WAPL: variants seen among roughly 807,000 people sequenced by gnomAD.
WAPL encodes the protein wings apart-like protein homolog.
A neutral mutation model predicts 121.0 loss-of-function variants in WAPL; 5 were observed. The ratio of observed to expected loss-of-function variants is 0.04; its 90% CI spans 0.02 to 0.09. WAPL has a LOEUF of 0.09. WAPL is among the 10% of genes least tolerant of loss of function. The pLI, the probability that WAPL is intolerant of heterozygous loss-of-function variation, is 1.00. For synonymous variants in WAPL, 480 were observed against 481.5 expected (o/e 1.00, Z 0.04); for missense variants, 999 against 1,410.8 (o/e 0.71, Z 4.68).
chr10:86,500,884 T>G (rs553954989), intron 2 of WAPL, 141 bp from the exon 3 acceptor site: 36 of 763,328 alleles, frequency 4.7e-5, no homozygotes, highest in Non-Finnish European at 6.8e-5. Context: ...AAATTAACAT[T>G]TACATATCAG....
rs755581568 is a variant in WAPL, at chr10:86,467,351, G to A, written c.2298C>T (p.Asn766=). ...SAKLLNEKDM[N]KIKEKIRRLC... ...GCCTTCGGATTTTTTCTTTAATTTT[G>A]TTCATGTCTTTTTCATTCAGTAGCT... is the stretch of plus-strand genomic sequence containing the variant. The change falls in exon 9 of 19, where the codon AAC becomes AAT. Residue 766 remains asparagine, a synonymous_variant. Coordinates refer to ENST00000298767, the MANE Select transcript of WAPL (RefSeq NM_015045.5). 3 of 1,613,946 alleles carry A rather than the reference G, an allele frequency of 1.9e-6. No individual in the cohort carries two copies. In the East Asian group the frequency reaches 6.7e-5, roughly 36 times the overall value.
chr10:86,472,875 A>AAGCAGGG lies in WAPL; in HGVS notation c.1741-118_1741-112dup, dbSNP rs1437159419. 1 of 1,197,764 alleles carries AAGCAGGG rather than the reference A, an allele frequency of 8.3e-7. No individual in the cohort carries two copies. The highest frequency in any genetic ancestry group is 1.1e-6 in the Non-Finnish European group (1 of 889,942). The allele number at this position is 1,197,764 out of a possible 1,614,324, so 74.2% of individuals were successfully genotyped here. A position where few individuals can be genotyped will look rare whatever the true frequency, so the allele number is the denominator to read the frequency against. On this transcript the variant is annotated intron_variant, in intron 5 of 18. Transcript: ENST00000298767. This position sits in a 1 kb window ranked among gnomAD's most constrained non-coding sequence, Gnocchi z 4.2. ...AAAAAAGTAAATAAAGCTTTTTAAA[A>AAGCAGGG]AGCAGGGAGCAGGGAGGCCTCTCAA...
chr10:86,515,252 G>A (rs973289602), intron 2 of WAPL, among the ~76,000 whole-genome samples: 7 of 148,682 alleles, frequency 4.7e-5, no homozygotes, highest in Non-Finnish European at 1.0e-4. Flanking sequence ...ACAAGAGCGA[G>A]ACTTCATCTC....
intron 2 of WAPL, among the ~76,000 whole-genome samples, chr10:86,511,702 G>A (rs987722333): frequency 6.6e-6 from 1 of 152,314 alleles, no homozygotes; most frequent in Non-Finnish European, 1.5e-5. Flanking sequence ...GGGAGGTGGA[G>A]GCAGGAGGAC....
intron 12 of WAPL, among the ~76,000 whole-genome samples, chr10:86,456,790 G>A (rs562679914): frequency 6.6e-6 from 1 of 152,280 alleles, no homozygotes; most frequent in South Asian, 2.1e-4. Context: ...TTCAGGCTGG[G>A]CTAAACTGGG....
At chr10:86,497,120 G>T in intron 4 of WAPL, 81 bp downstream of exon 4, 2 of 1,147,226 alleles carry the variant, frequency 1.7e-6, no homozygotes, top group Admixed American at 4.4e-5. Context: ...ATGTTTATTA[G>T]TAACTTTCAA....
In WAPL at chr10:86,508,754, A is replaced by G. The variant is rs553783200; in HGVS notation, c.500-8011T>C. Reference sequence around the variant, plus strand: ...CTTCTCCCCCTCCATTAGTATTGAAAGTTCTTTTTTTTTTTTTTTTTTGAG... The same window carrying G: ...CTTCTCCCCCTCCATTAGTATTGAAGGTTCTTTTTTTTTTTTTTTTTTGAG... On this transcript the variant is annotated intron_variant, in intron 2 of 18. Coordinates refer to ENST00000298767, the MANE Select transcript of WAPL (RefSeq NM_015045.5). Among the ~76,000 whole-genome samples the G allele has an allele frequency of 3.4e-4, 39 of 114,704 alleles. 1 individual carries two copies. The East Asian group carries it at 0.011, about 31-fold the overall frequency. The allele number at this position is 114,704 out of a possible 152,430, so 75.3% of individuals were successfully genotyped here.
rs140913764 is a variant in WAPL at position 86,488,442 on chromosome 10, TAAGGTGCTCGCTTCGGCAGC to T, written c.1644+8739_1644+8758del. 2.1e-4 allele frequency: 32 copies of T among 152,356 alleles called. No individual in the cohort carries two copies. The East Asian group carries it at 6.2e-3, about 29-fold the overall frequency. The allele number at this position is 152,356 out of a possible 1,614,324, so 9.4% of individuals were successfully genotyped here. A position where few individuals can be genotyped will look rare whatever the true frequency, so the allele number is the denominator to read the frequency against. On this transcript the variant is annotated intron_variant, in intron 4 of 18. Transcript: ENST00000298767. ...AGCCTGGAACATCTTAGAATGTCAG[TAAGGTGCTCGCTTCGGCAGC>T]ACATATACAAAAACTGGAACGATAC...
At chr10:86,454,911 G>A (rs960759301) in intron 12 of WAPL, among the ~76,000 whole-genome samples, 5 of 142,794 alleles carry the variant, frequency 3.5e-5, no homozygotes, top group South Asian at 4.6e-4. Flanking sequence ...GGTGAGGAGC[G>A]TCTCTGCCCG....
intron 2 of WAPL, among the ~76,000 whole-genome samples, chr10:86,504,155 C>A (rs1291622957): frequency 1.3e-5 from 2 of 152,118 alleles, no homozygotes; most frequent in African/African-American, 4.8e-5. Context: ...GCCTGGGCAA[C>A]AGAGCAAGAC....
intron 2 of WAPL, among the ~76,000 whole-genome samples, chr10:86,509,772 T>G (rs12241645): frequency 9.4e-5 from 14 of 148,872 alleles, no homozygotes; most frequent in Admixed American, 2.0e-4. Flanking sequence ...TTGGTTTTTT[T>G]TTTTTTTTTT....
In WAPL at chr10:86,497,346, C is replaced by T. The variant is rs559142751; in HGVS notation, c.1526-27G>A. Reference sequence around the variant, plus strand: ...TGAAATGGTAATCAAAACTATCTAGCTTACTAATATTTCAAATTACCTACC... The same window carrying T: ...TGAAATGGTAATCAAAACTATCTAGTTTACTAATATTTCAAATTACCTACC... On this transcript the variant is annotated intron_variant, in intron 3 of 18. Coordinates refer to ENST00000298767, the MANE Select transcript of WAPL (RefSeq NM_015045.5). 6.6e-6 allele frequency: 10 copies of T among 1,518,728 alleles called. No individual in the cohort carries two copies. The South Asian group carries it at 1.2e-4, about 18-fold the overall frequency. 94.1% of individuals were successfully genotyped at this position (1,518,728 alleles called of 1,614,324 possible).
At chr10:86,496,133 A>C (rs1360076017) in intron 4 of WAPL, among the ~76,000 whole-genome samples, 1 of 152,218 alleles carries the variant, frequency 6.6e-6, no homozygotes, top group South Asian at 2.1e-4. Context: ...AAACAAAAAA[A>C]CTGGGCAAAG....
intron 2 of WAPL, among the ~76,000 whole-genome samples, chr10:86,514,557 T>A (rs991586144): frequency 1.3e-5 from 2 of 152,158 alleles, no homozygotes; most frequent in African/African-American, 4.8e-5. Flanking sequence ...GTATGTATTT[T>A]CCCCTCACAG....
chr10:86,463,101 GAATT>G (rs1183200013), intron 9 of WAPL, among the ~76,000 whole-genome samples: 15 of 152,206 alleles, frequency 9.9e-5, no homozygotes, highest in African/African-American at 3.6e-4. Context: ...ATAGTACTCA[GAATT>G]AAAGCACAGC....
chr10:86,457,344 A>AAG (rs1554827150), intron 12 of WAPL, among the ~76,000 whole-genome samples: 5 of 150,972 alleles, frequency 3.3e-5, no homozygotes, highest in African/African-American at 7.3e-5. Flanking sequence ...AAAAAAAAAA[A>AAG]AGAGAGTGCT....
intron 2 of WAPL, among the ~76,000 whole-genome samples, chr10:86,508,900 C>T (rs1476489892): frequency 4.0e-5 from 6 of 151,886 alleles, no homozygotes; most frequent in Admixed American, 2.0e-4. Context: ...GGACTACAGG[C>T]GCCCGCCACC....
At chr10:86,483,592 C>T (rs964948546) in intron 4 of WAPL, among the ~76,000 whole-genome samples, 3 of 151,826 alleles carry the variant, frequency 2.0e-5, no homozygotes, top group Non-Finnish European at 4.4e-5. Context: ...AAAACCGCTT[C>T]AGACAGGTAC....
At chr10:86,499,360 A>G (rs1461318443) in intron 3 of WAPL, among the ~76,000 whole-genome samples, 1 of 152,240 alleles carries the variant, frequency 6.6e-6, no homozygotes, top group Non-Finnish European at 1.5e-5. Context: ...CCTGAAAAAC[A>G]CATTTAAAGT....
Sources: gnomAD v4.1 joint callset for allele counts (sites outside exome capture counted in the v4.1 genomes callset) on GRCh38, gnomAD v4.1.1 for gene constraint, Gnocchi (gnomAD v3.1) non-coding constraint, MANE v1.5 for transcripts, NCBI Gene and HGNC (gene_info 2026-07-23, HGNC 2026-07-21) for gene names.